Variants in TMPRSS6 observed in about 807,000 individuals in gnomAD.
The protein encoded by TMPRSS6 is transmembrane serine protease 6.
A neutral mutation model predicts 101.5 loss-of-function variants in TMPRSS6; 67 were observed. The observed-to-expected ratio is 0.66, with a 90% CI of 0.54 to 0.81. TMPRSS6 has a LOEUF of 0.81. Ranked by LOEUF, TMPRSS6 falls within the 30% of genes least tolerant of loss-of-function variation. The pLI, the probability that TMPRSS6 is intolerant of heterozygous loss-of-function variation, is 0.00. For synonymous variants in TMPRSS6, 453 were observed against 464.9 expected (o/e 0.97, Z 0.33); for missense variants, 1,034 against 1,088.7 (o/e 0.95, Z 0.71).
intron 8 of TMPRSS6, among the ~76,000 whole-genome samples, chr22:37,086,074 G>A (rs935040456): frequency 2.0e-5 from 3 of 150,420 alleles, no homozygotes; most frequent in Non-Finnish European, 3.0e-5. Context: ...ATGGTAGGAC[G>A]GTCAAGGGGA....
intron 1 of TMPRSS6, among the ~76,000 whole-genome samples, chr22:37,106,134 T>G (rs1211316440): frequency 6.7e-6 from 1 of 149,698 alleles, no homozygotes; most frequent in Non-Finnish European, 1.5e-5. Context: ...TGATCACTCC[T>G]ACTTTACAGA....
chr22:37,075,926 G>T (rs1430820405), intron 10 of TMPRSS6, among the ~76,000 whole-genome samples: 4 of 149,604 alleles, frequency 2.7e-5, no homozygotes, highest in Non-Finnish European at 5.9e-5. Flanking sequence ...GAGACAGAAG[G>T]TAGGAAGGAA....
At position 37,070,994 on chromosome 22, in the gene TMPRSS6, G is replaced by C; in HGVS notation, c.1594C>G (p.Arg532Gly). The C allele has an allele frequency of 6.2e-7, 1 of 1,613,092 alleles. No individual in the cohort carries two copies. The highest frequency in any genetic ancestry group is 8.5e-7 in the Non-Finnish European group (1 of 1,179,892). ...CGTFTFQCED[R>G]SCVKKPNPQC... Reference sequence around the variant, plus strand: ...GGGTTGGGCTTCTTCACGCAGCTCCGGTCCTCACACTGGAAGGTGAATGTC... The same window carrying C: ...GGGTTGGGCTTCTTCACGCAGCTCCCGTCCTCACACTGGAAGGTGAATGTC... The change falls in exon 14 of 18, where the codon CGG (arginine) becomes GGG (glycine). Residue 532 changes from arginine to glycine, a missense_variant. Transcript: ENST00000676104.
intron 6 of TMPRSS6, among the ~76,000 whole-genome samples, chr22:37,093,384 CTTTTTTTTTTTTTT>C (rs67659825): frequency 1.2e-5 from 1 of 82,544 alleles, no homozygotes; most frequent in African/African-American, 5.2e-5. Flanking sequence ...TTCTTTCTTT[CTTTTTTTTTTTTTT>C]TTTTTTTTTT....
intron 2 of TMPRSS6, among the ~76,000 whole-genome samples, chr22:37,102,161 G>A (rs1930370263): frequency 6.6e-6 from 1 of 152,232 alleles, no homozygotes; most frequent in Non-Finnish European, 1.5e-5. Flanking sequence ...GCCAGTAAGA[G>A]CACTAGCTAT....
chr22:37,103,070 C>G lies in TMPRSS6; in HGVS notation c.202+146G>C, dbSNP rs1930458016. ...CAGCTGGAAGGACAGGGAGGGAGAC[C>G]CAGAGAACAGAAGTGACTTGCCCAA... On this transcript the variant is annotated intron_variant, in intron 2 of 17. Transcript: ENST00000676104. This position sits in a 1 kb window ranked among gnomAD's most constrained non-coding sequence, Gnocchi z 4.4. 6 of 831,362 alleles carry G rather than the reference C, an allele frequency of 7.2e-6. No homozygotes were observed. In the East Asian group the frequency reaches 1.3e-4, roughly 18 times the overall value. 51.5% of individuals were successfully genotyped at this position (831,362 alleles called of 1,614,324 possible). A position where few individuals can be genotyped will look rare whatever the true frequency, so the allele number is the denominator to read the frequency against.
rs545827479 is a variant in TMPRSS6 at position 37,103,865 on chromosome 22, C to T, written c.-1-447G>A. 2.0e-5 allele frequency among the ~76,000 whole-genome samples: 3 copies of T among 152,266 alleles called. No homozygotes were observed. Among genetic ancestry groups the T allele is most frequent in the African/African-American group, 7.2e-5 (3 of 41,552 alleles). ...CTCCTGGTTCTGGTTCACGGAGCTTCCCACCACGCCCACACAGTCCATGCA... is the reference window on the plus strand; with the variant it reads ...CTCCTGGTTCTGGTTCACGGAGCTTTCCACCACGCCCACACAGTCCATGCA... On this transcript the variant is annotated intron_variant, in intron 1 of 17. Transcript: ENST00000676104. The surrounding 1 kb of genome is among the most constrained non-coding windows in gnomAD (Gnocchi z 4.4).
chr22:37,065,780 C>T lies in TMPRSS6; in HGVS notation c.*300G>A. 2.1e-6 allele frequency: 1 copy of T among 466,156 alleles called. No homozygotes were observed. The highest frequency in any genetic ancestry group is 4.0e-5 in the East Asian group (1 of 25,304). The allele number at this position is 466,156 out of a possible 1,614,324, so 28.9% of individuals were successfully genotyped here. A position where few individuals can be genotyped will look rare whatever the true frequency, so the allele number is the denominator to read the frequency against. On this transcript the variant is annotated 3_prime_UTR_variant, in exon 18 of 18. Transcript: ENST00000676104. ...AGAACCAGCATTCTTGCTGCTGAGC[C>T]ACTGCCTTGCATTAGGCAGCAGTGG...
At chr22:37,095,797 C>T (rs1245173315) in intron 5 of TMPRSS6, 109 bp downstream of exon 5, 4 of 1,450,978 alleles carry the variant, frequency 2.8e-6, no homozygotes, top group Non-Finnish European at 3.8e-6. Flanking sequence ...CCTGGGGGGC[C>T]CACCCTGACA....
intron 3 of TMPRSS6, among the ~76,000 whole-genome samples, chr22:37,097,697 CGTCTTGT>C (rs1929894451): frequency 6.9e-6 from 1 of 145,812 alleles, no homozygotes; most frequent in African/African-American, 2.6e-5. Context: ...AGCGGGCCAC[CGTCTTGT>C]AACAGAGGGG....
At chr22:37,084,439 G>T in intron 9 of TMPRSS6, 35 bp from the exon 10 acceptor site, 1 of 1,537,038 alleles carries the variant, frequency 6.5e-7, no homozygotes, top group Non-Finnish European at 8.9e-7. Flanking sequence ...GGTGGCCCAT[G>T]GGGTGTGGCC....
chr22:37,095,456 C>T, intron 6 of TMPRSS6, 95 bp downstream of exon 6: 1 of 1,510,426 alleles, frequency 6.6e-7, no homozygotes, highest in Non-Finnish European at 9.1e-7. Context: ...TCCCTGCACA[C>T]ACAACAGAAG....
chr22:37,096,900 C>A (rs1929814746), intron 3 of TMPRSS6, among the ~76,000 whole-genome samples, 185 bp from the exon 4 acceptor site: 3 of 152,132 alleles, frequency 2.0e-5, no homozygotes, highest in Non-Finnish European at 4.4e-5. Context: ...GAATCTCACA[C>A]CCCATCCCCT....
At chr22:37,078,698 AGGAAG>A (rs1927896211) in intron 10 of TMPRSS6, among the ~76,000 whole-genome samples, 1 of 34,900 alleles carries the variant, frequency 2.9e-5, no homozygotes, top group Non-Finnish European at 7.5e-5. Context: ...GAAGAGGAAG[AGGAAG>A]AGGAAGGAGG....
At chr22:37,067,666 A>G (rs560670416) in intron 16 of TMPRSS6, among the ~76,000 whole-genome samples, 52 of 151,810 alleles carry the variant, frequency 3.4e-4, no homozygotes, top group African/African-American at 1.2e-3. Context: ...CAGTGCCCCA[A>G]CTCTGCAGTC....
At chr22:37,090,401 T>G (rs546133023) in intron 6 of TMPRSS6, among the ~76,000 whole-genome samples, 3 of 152,010 alleles carry the variant, frequency 2.0e-5, no homozygotes, top group African/African-American at 7.3e-5. Flanking sequence ...CCACAGGCAA[T>G]GAGGAGAAGA....
At chr22:37,091,813 C>T (rs1929287449) in intron 6 of TMPRSS6, among the ~76,000 whole-genome samples, 1 of 152,188 alleles carries the variant, frequency 6.6e-6, no homozygotes. Context: ...GTCCTATGAC[C>T]TCCTCTGGGC....
chr22:37,087,235 G>A (rs543423338), intron 7 of TMPRSS6, among the ~76,000 whole-genome samples: 37 of 152,236 alleles, frequency 2.4e-4, no homozygotes, highest in African/African-American at 8.2e-4. Flanking sequence ...GGAGTCCAGC[G>A]CATCTGATGG....
chr22:37,080,455 C>G (rs1344313920), intron 10 of TMPRSS6, among the ~76,000 whole-genome samples: 1 of 152,280 alleles, frequency 6.6e-6, no homozygotes, highest in African/African-American at 2.4e-5. Flanking sequence ...GTACCTCCCC[C>G]TCCCTAAAGT....
Sources: gnomAD v4.1 joint callset for allele counts (sites outside exome capture counted in the v4.1 genomes callset) on GRCh38, gnomAD v4.1.1 for gene constraint, Gnocchi (gnomAD v3.1) non-coding constraint, MANE v1.5 for transcripts, NCBI Gene and HGNC (gene_info 2026-07-23, HGNC 2026-07-21) for gene names.